YEATS4: variants seen among roughly 807,000 people sequenced by gnomAD.
YEATS4 encodes YEATS domain containing 4.
YEATS4 carries 17 observed loss-of-function variants against 30.1 expected under a neutral mutation model. The ratio of observed to expected loss-of-function variants is 0.56; its 90% CI spans 0.39 to 0.85. The LOEUF (loss-of-function observed/expected upper bound fraction) is 0.85, where lower values mean the gene tolerates loss of function less well. Ranked by LOEUF, YEATS4 falls within the 40% of genes least tolerant of loss-of-function variation. The probability of loss-of-function intolerance (pLI) is 0.00; values close to 1 mark genes in which losing one functional copy is unlikely to be tolerated. For synonymous variants in YEATS4, 85 were observed against 87.5 expected (o/e 0.97, Z 0.16); for missense variants, 142 against 268.3 (o/e 0.53, Z 3.29).
intron 1 of YEATS4, among the ~76,000 whole-genome samples, chr12:69,360,540 G>A (rs1875156736): frequency 6.6e-6 from 1 of 152,188 alleles, no homozygotes; most frequent in Non-Finnish European, 1.5e-5. Context: ...GCATAACACT[G>A]TGCCTGGCAC....
chr12:69,364,695 T>C (rs1317105856), intron 2 of YEATS4, among the ~76,000 whole-genome samples: 3 of 152,142 alleles, frequency 2.0e-5, no homozygotes, highest in Non-Finnish European at 4.4e-5. Flanking sequence ...TCTCAGCTTA[T>C]TGCAACCTCC....
At chr12:69,409,437 C>T in the YEATS4 span, among the ~76,000 whole-genome samples, 12 of 151,680 alleles carry the variant, frequency 7.9e-5, no homozygotes, top group Non-Finnish European at 7.4e-5. Context: ...GCCAACATGA[C>T]GAAACCCCGC....
the YEATS4 span, among the ~76,000 whole-genome samples, chr12:69,410,472 A>T: frequency 6.6e-6 from 1 of 152,196 alleles, no homozygotes; most frequent in Non-Finnish European, 1.5e-5. Context: ...ACATATTCCT[A>T]TCATAGTTTA....
the YEATS4 span, among the ~76,000 whole-genome samples, chr12:69,426,356 G>A: frequency 1.3e-5 from 2 of 152,092 alleles, no homozygotes; most frequent in South Asian, 4.1e-4. Context: ...GTATGTTTGT[G>A]GATATGACTT....
At chr12:69,374,580 T>A (rs1433458760) in intron 6 of YEATS4, among the ~76,000 whole-genome samples, 1 of 152,138 alleles carries the variant, frequency 6.6e-6, no homozygotes, top group African/African-American at 2.4e-5. Context: ...TTTGTGTCCC[T>A]GGGTACTTGA....
chr12:69,372,234 A>G (rs1875672338), intron 6 of YEATS4, among the ~76,000 whole-genome samples: 1 of 152,206 alleles, frequency 6.6e-6, no homozygotes, highest in Admixed American at 6.5e-5. Context: ...ATATATATTT[A>G]CTGGGTACAT....
chr12:69,398,318 C>A, the YEATS4 span, among the ~76,000 whole-genome samples: 23 of 151,092 alleles, frequency 1.5e-4, no homozygotes, highest in African/African-American at 5.4e-4. Context: ...TACACACACA[C>A]ACACAAAAAA....
chr12:69,413,868 AAG>A, the YEATS4 span, among the ~76,000 whole-genome samples: 1 of 151,506 alleles, frequency 6.6e-6, no homozygotes, highest in African/African-American at 2.4e-5. Context: ...AAAAAAGAAA[AAG>A]AAAAAGAAAA....
chr12:69,408,034 G>T, the YEATS4 span, among the ~76,000 whole-genome samples: 1 of 152,090 alleles, frequency 6.6e-6, no homozygotes, highest in Admixed American at 6.6e-5. Flanking sequence ...TCTTAACAAT[G>T]GTTCTCACTG....
downstream of YEATS4, among the ~76,000 whole-genome samples, chr12:69,395,030 C>T (rs1464205926): frequency 2.0e-5 from 3 of 151,918 alleles, no homozygotes; most frequent in African/African-American, 7.3e-5. Flanking sequence ...AAACAGCTAC[C>T]CTCATACAAT....
intron 6 of YEATS4, among the ~76,000 whole-genome samples, chr12:69,381,503 A>C (rs1170790089): frequency 6.6e-6 from 1 of 152,196 alleles, no homozygotes; most frequent in Non-Finnish European, 1.5e-5. Context: ...CTGAGGTGAC[A>C]TACATCCTCC....
At chr12:69,371,982 G>A (rs956885107) in intron 6 of YEATS4, among the ~76,000 whole-genome samples, 14 of 152,196 alleles carry the variant, frequency 9.2e-5, no homozygotes, top group African/African-American at 3.4e-4. Context: ...CCTCAGGTAA[G>A]TACATGGCTG....
At chr12:69,418,451 C>CA in the YEATS4 span, among the ~76,000 whole-genome samples, 134 of 151,416 alleles carry the variant, frequency 8.8e-4, 2 homozygotes, top group South Asian at 3.1e-3. Flanking sequence ...GACTCTGTCT[C>CA]AAAAAAAACA....
At chr12:69,375,649 C>T (rs1875839845) in intron 6 of YEATS4, among the ~76,000 whole-genome samples, 1 of 152,142 alleles carries the variant, frequency 6.6e-6, no homozygotes, top group South Asian at 2.1e-4. Context: ...GTCTGCAATC[C>T]CGGCACCTCG....
At chr12:69,370,609 T>C in intron 4 of YEATS4, 97 bp from the exon 5 acceptor site, 1 of 997,052 alleles carries the variant, frequency 1.0e-6, no homozygotes, top group Non-Finnish European at 1.4e-6. Flanking sequence ...TTGACATGTA[T>C]ATACTTATTC....
the YEATS4 span, among the ~76,000 whole-genome samples, chr12:69,415,109 A>T: frequency 1.3e-5 from 2 of 152,196 alleles, no homozygotes; most frequent in Non-Finnish European, 2.9e-5. Flanking sequence ...CATAAGGAGC[A>T]GCACTTTGAC....
chr12:69,371,018 G>T (rs1422368109), intron 6 of YEATS4, 43 bp downstream of exon 6: 1 of 1,568,880 alleles, frequency 6.4e-7, no homozygotes, highest in Non-Finnish European at 8.7e-7. Flanking sequence ...AACGTATTCT[G>T]TAATAGTGAA....
At chr12:69,410,681 G>A in the YEATS4 span, among the ~76,000 whole-genome samples, 3 of 152,134 alleles carry the variant, frequency 2.0e-5, no homozygotes, top group East Asian at 1.9e-4. Context: ...GGATAGAGAC[G>A]GCCCAAGAAG....
At chr12:69,363,892 A>G (rs1402012299) in intron 2 of YEATS4, among the ~76,000 whole-genome samples, 1 of 152,218 alleles carries the variant, frequency 6.6e-6, no homozygotes, top group Non-Finnish European at 1.5e-5. Context: ...AAGTACTGAT[A>G]AAGTAAAGAT....
Sources: gnomAD v4.1 joint callset for allele counts (sites outside exome capture counted in the v4.1 genomes callset) on GRCh38, gnomAD v4.1.1 for gene constraint, MANE v1.5 for transcripts, NCBI Gene and HGNC (gene_info 2026-07-23, HGNC 2026-07-21) for gene names.